The following SOX6 variants were observed in gnomAD, a reference collection of about 807,000 sequenced individuals.
SOX6 encodes transcription factor SOX-6.
A neutral mutation model predicts 97.8 loss-of-function variants in SOX6; 11 were observed. That is an observed-to-expected ratio of 0.11 (90% CI 0.07 to 0.19). The LOEUF is 0.19. SOX6 is among the 10% of genes least tolerant of loss of function. SOX6 has a pLI of 1.00. For synonymous variants in SOX6, 360 were observed against 371.4 expected, an observed-to-expected ratio of 0.97 and a Z score of 0.35; for missense variants, 810 against 1,039.5, an observed-to-expected ratio of 0.78 and a Z score of 3.04.
chr11:16,198,025 CTGT>C (rs66685848), intron 4 of SOX6, among the ~76,000 whole-genome samples: 4,302 of 149,980 alleles, frequency 0.029, 66 homozygotes, highest in African/African-American at 0.044. Context: ...TCAAGATTTC[CTGT>C]TGTTGTTGTT....
intron 4 of SOX6, among the ~76,000 whole-genome samples, chr11:16,569,899 G>GA (rs1019866601): frequency 8.0e-6 from 1 of 125,044 alleles, no homozygotes; most frequent in Admixed American, 7.7e-5. Context: ...ATACTGTGCA[G>GA]AAAACTAGGC....
chr11:16,246,523 T>C (rs1853340528), intron 3 of SOX6, among the ~76,000 whole-genome samples: 1 of 151,950 alleles, frequency 6.6e-6, no homozygotes, highest in African/African-American at 2.4e-5. Context: ...TATAAAATTG[T>C]AGGTTGCAAT....
upstream of SOX6, among the ~76,000 whole-genome samples, chr11:16,356,565 G>A (rs992687123): frequency 1.3e-5 from 2 of 152,056 alleles, no homozygotes; most frequent in Admixed American, 6.6e-5. Flanking sequence ...TGTGAGCACA[G>A]GGGAAGGAAA....
At chr11:16,586,172 C>T (rs1302816244) in intron 4 of SOX6, among the ~76,000 whole-genome samples, 1 of 152,108 alleles carries the variant, frequency 6.6e-6, no homozygotes, top group Non-Finnish European at 1.5e-5. Context: ...AATGGCTGCT[C>T]ACTGTCTACT....
chr11:16,051,990 T>A (rs867911519), intron 10 of SOX6, among the ~76,000 whole-genome samples: 1 of 151,924 alleles, frequency 6.6e-6, no homozygotes, highest in Non-Finnish European at 1.5e-5. Flanking sequence ...CTAGTATATA[T>A]ATATTTTTAA....
At chr11:16,239,345 T>G (rs1295575439) in intron 3 of SOX6, among the ~76,000 whole-genome samples, 1 of 152,018 alleles carries the variant, frequency 6.6e-6, no homozygotes. Context: ...AAACAACTGA[T>G]TTTCCAAATA....
At chr11:16,624,281 G>A (rs1432222023) in intron 3 of SOX6, among the ~76,000 whole-genome samples, 2 of 151,676 alleles carry the variant, frequency 1.3e-5, no homozygotes, top group African/African-American at 2.4e-5. Flanking sequence ...TCTGCCTTCC[G>A]GGTTTGAACG....
At chr11:16,011,271 G>A (rs1041290313) in intron 13 of SOX6, among the ~76,000 whole-genome samples, 5 of 152,072 alleles carry the variant, frequency 3.3e-5, no homozygotes, top group African/African-American at 4.8e-5. Flanking sequence ...CTACATAGGA[G>A]CTAACAAATT....
At chr11:16,495,601 T>A (rs1240787744) in intron 4 of SOX6, among the ~76,000 whole-genome samples, 1 of 152,178 alleles carries the variant, frequency 6.6e-6, no homozygotes, top group African/African-American at 2.4e-5. Context: ...ACCAAGCCTG[T>A]CATAGTTACT....
upstream of SOX6, among the ~76,000 whole-genome samples, chr11:16,479,223 T>C (rs1367878481): frequency 2.6e-5 from 4 of 152,198 alleles, no homozygotes; most frequent in African/African-American, 9.6e-5. Flanking sequence ...TTGCTACAAA[T>C]ACTTCAATAT....
Position 16,078,951 on chromosome 11 carries a change from G to T in SOX6, c.1101+17045C>A, listed in dbSNP as rs552086669. Reference sequence around the variant, plus strand: ...AGCTGGGCAAGAGGTAATATGTCAGGTGTCAGAAAGATAGCAATGGGGCCA... The same window carrying T: ...AGCTGGGCAAGAGGTAATATGTCAGTTGTCAGAAAGATAGCAATGGGGCCA... On this transcript the variant is annotated intron_variant, in intron 9 of 15. Coordinates refer to ENST00000683767, the MANE Select transcript of SOX6 (RefSeq NM_001367873.1). Among the ~76,000 whole-genome samples the T allele has an allele frequency of 2.0e-5, 3 of 152,258 alleles. No homozygotes were observed. The East Asian group carries it at 5.8e-4, about 29-fold the overall frequency.
rs192151033 is a variant in SOX6, at chr11:16,613,684, A to G, written n.430-1424T>C. 5.3e-5 allele frequency among the ~76,000 whole-genome samples: 8 copies of G among 151,934 alleles called. No individual in the cohort carries two copies. Among genetic ancestry groups the G allele is most frequent in the African/African-American group, 1.9e-4 (8 of 41,400 alleles). On this transcript the variant is annotated intron_variant and non_coding_transcript_variant, in intron 3 of 5. Transcript: ENST00000524520. This position sits in a 1 kb window ranked among gnomAD's most constrained non-coding sequence, Gnocchi z 4.6. ...GCGCGTATTCTGAAATTCTGGCCGA[A>G]CTCCTCATCTAAACGGAAGTCCCTT... is the stretch of plus-strand genomic sequence containing the variant.
chr11:15,988,026 C>G (rs1196958302), intron 14 of SOX6, among the ~76,000 whole-genome samples: 1 of 152,054 alleles, frequency 6.6e-6, no homozygotes, highest in African/African-American at 2.4e-5. Flanking sequence ...ATGTCCAGAT[C>G]ACTGATATTT....
intron 1 of SOX6, among the ~76,000 whole-genome samples, chr11:16,441,100 T>A (rs1859495354): frequency 6.6e-6 from 1 of 151,980 alleles, no homozygotes; most frequent in Admixed American, 6.6e-5. Flanking sequence ...TCATGTCACA[T>A]CCAGAGACTT....
At chr11:16,687,944 C>CT (rs1433745396) in intron 3 of SOX6, among the ~76,000 whole-genome samples, 1 of 152,086 alleles carries the variant, frequency 6.6e-6, no homozygotes, top group Admixed American at 6.5e-5. Context: ...CTTTTTTCCT[C>CT]TTTTTTTAAG....
intron 4 of SOX6, among the ~76,000 whole-genome samples, chr11:16,524,124 T>A (rs923124822): frequency 6.6e-6 from 1 of 152,116 alleles, no homozygotes; most frequent in Non-Finnish European, 1.5e-5. Context: ...CCTAACTCAT[T>A]TTATGAGGAC....
At chr11:16,068,538 T>G (rs567688822) in intron 9 of SOX6, among the ~76,000 whole-genome samples, 1 of 152,220 alleles carries the variant, frequency 6.6e-6, no homozygotes, top group South Asian at 2.1e-4. Flanking sequence ...AAGTCCTTTT[T>G]TTCAGCATAG....
At chr11:16,049,344 C>T (rs931086571) in intron 11 of SOX6, among the ~76,000 whole-genome samples, 2 of 151,922 alleles carry the variant, frequency 1.3e-5, no homozygotes, top group East Asian at 3.9e-4. Context: ...TGTTTTAATG[C>T]AAAAGTCATA....
At chr11:16,172,351 G>A (rs140279557) in intron 6 of SOX6, among the ~76,000 whole-genome samples, 2 of 152,160 alleles carry the variant, frequency 1.3e-5, no homozygotes, top group East Asian at 1.9e-4. Context: ...TTATATAGCC[G>A]TAATGTCAGG....
Sources: allele counts gnomAD v4.1 joint callset (sites outside exome capture counted in the v4.1 genomes callset), GRCh38; gene constraint gnomAD v4.1.1; non-coding constraint Gnocchi (gnomAD v3.1); transcripts MANE v1.5; gene names NCBI Gene and HGNC (gene_info 2026-07-23, HGNC 2026-07-21).